SLIT2: variants seen among roughly 807,000 people sequenced by gnomAD.
The protein encoded by SLIT2 is slit homolog 2 protein.
In SLIT2, 41 loss-of-function variants were observed where a neutral mutation model predicts 185.7. That is an observed-to-expected ratio of 0.22 (90% CI 0.17 to 0.29). SLIT2 has a LOEUF of 0.29. SLIT2 is among the 10% of genes least tolerant of loss of function. SLIT2 has a pLI of 1.00. For synonymous variants in SLIT2, 693 were observed against 680.2 expected (o/e 1.02, Z -0.29); for missense variants, 1,571 against 1,909.0 (o/e 0.82, Z 3.30).
chr4:20,416,940 T>C (rs1255324569), intron 4 of SLIT2, among the ~76,000 whole-genome samples: 2 of 150,058 alleles, frequency 1.3e-5, no homozygotes, highest in East Asian at 3.9e-4. Flanking sequence ...TCCATGCCAA[T>C]TTTTTAAAAC....
Position 20,392,530 on chromosome 4 carries a change from A to T in SLIT2, c.396-75222A>T, listed in dbSNP as rs572723625. ...TTTACAGTTATTTTTCTGCAATAAT[A>T]AATTAACTCTAGCATACTGTAACTT... On this transcript the variant is annotated intron_variant, in intron 4 of 36. Transcript: ENST00000504154. 5.7e-4 allele frequency among the ~76,000 whole-genome samples: 87 copies of T among 152,244 alleles called. No homozygotes were observed. In the South Asian group the frequency reaches 0.014, roughly 25 times the overall value.
chr4:20,416,962 CTT>C (rs33980142), intron 4 of SLIT2, among the ~76,000 whole-genome samples: 1,916 of 141,280 alleles, frequency 0.014, 22 homozygotes, highest in African/African-American at 0.026. Context: ...GCTATCAAAT[CTT>C]TTTTTTTTTT....
At chr4:20,518,558 T>TGTATATATATATATATATATAA in intron 11 of SLIT2, among the ~76,000 whole-genome samples, 1 of 3,652 alleles carries the variant, frequency 2.7e-4, no homozygotes, top group Non-Finnish European at 6.2e-4. Flanking sequence ...AGCCTATATG[T>TGTATATATATATATATATATAA]ATATATATAT....
chr4:20,393,164 T>C (rs1289622053), intron 4 of SLIT2, among the ~76,000 whole-genome samples: 1 of 152,092 alleles, frequency 6.6e-6, no homozygotes, highest in African/African-American at 2.4e-5. Context: ...ACCATCATTG[T>C]ATATGCGATC....
chr4:20,567,205 T>C, intron 26 of SLIT2, 57 bp from the exon 27 acceptor site: 1 of 1,460,842 alleles, frequency 6.8e-7, no homozygotes, highest in Non-Finnish European at 9.4e-7. Context: ...GGCATACAAG[T>C]AATTAAAAGT....
rs1006761801 is a variant in SLIT2 at position 20,269,597 on chromosome 4, T to C, written c.395+716T>C. 8.5e-5 allele frequency among the ~76,000 whole-genome samples: 13 copies of C among 152,074 alleles called. No individual in the cohort carries two copies. The East Asian group carries it at 2.3e-3, about 27-fold the overall frequency. ...GATTTTCAGCCATATGAAATGACTT[T>C]GTGCAGATGGGAGATAAGCTACAAA... On this transcript the variant is annotated intron_variant, in intron 4 of 36. Coordinates refer to ENST00000504154, the MANE Select transcript of SLIT2 (RefSeq NM_004787.4).
intron 5 of SLIT2, among the ~76,000 whole-genome samples, chr4:20,469,071 G>A (rs1714674214): frequency 6.6e-6 from 1 of 151,914 alleles, no homozygotes; most frequent in Non-Finnish European, 1.5e-5. Context: ...GGTTTTTATG[G>A]GTGCTCAATT....
At chr4:20,352,410 A>C (rs1721959231) in intron 4 of SLIT2, among the ~76,000 whole-genome samples, 1 of 152,098 alleles carries the variant, frequency 6.6e-6, no homozygotes, top group East Asian at 1.9e-4. Flanking sequence ...TTTCCAACCC[A>C]GATTAATACA....
At chr4:20,452,645 G>A (rs574746321) in intron 4 of SLIT2, among the ~76,000 whole-genome samples, 1 of 152,198 alleles carries the variant, frequency 6.6e-6, no homozygotes, top group East Asian at 1.9e-4. Flanking sequence ...GATATGGCCT[G>A]GGTATGGAAA....
chr4:20,413,401 T>G (rs1479098289), intron 4 of SLIT2, among the ~76,000 whole-genome samples: 1 of 152,062 alleles, frequency 6.6e-6, no homozygotes, highest in Non-Finnish European at 1.5e-5. Flanking sequence ...GCATATGGAA[T>G]TAATGTGTAT....
At chr4:20,532,169 TATG>T in intron 17 of SLIT2, 111 bp downstream of exon 17, 1 of 627,190 alleles carries the variant, frequency 1.6e-6, no homozygotes, top group South Asian at 2.2e-5. Context: ...GAAATTTCCC[TATG>T]ATGATGACCT....
rs35201099 is a variant in SLIT2 at position 20,258,072 on chromosome 4, G to GT, written c.323+137dup. On this transcript the variant is annotated intron_variant, in intron 3 of 36. Transcript: ENST00000504154. Reference sequence around the variant, plus strand: ...GCAGAAAAAGGAGGATGAATGAGTGGTTTTCAGGTTAATTTATGACAAATA... The same window carrying GT: ...GCAGAAAAAGGAGGATGAATGAGTGGTTTTTCAGGTTAATTTATGACAAATA... 3.7e-4 allele frequency: 196 copies of GT among 529,450 alleles called. 5 individuals are homozygous for GT. In the South Asian group the frequency reaches 6.2e-3, roughly 17 times the overall value. The allele number at this position is 529,450 out of a possible 1,614,324, so 32.8% of individuals were successfully genotyped here.
At chr4:20,266,781 C>G (rs970506109) in intron 3 of SLIT2, among the ~76,000 whole-genome samples, 34 of 151,954 alleles carry the variant, frequency 2.2e-4, no homozygotes, top group African/African-American at 8.0e-4. Flanking sequence ...GGGACTCTTG[C>G]TTATCAAATG....
At chr4:20,360,846 A>G (rs1722679611) in intron 4 of SLIT2, among the ~76,000 whole-genome samples, 2 of 152,166 alleles carry the variant, frequency 1.3e-5, no homozygotes, top group South Asian at 2.1e-4. Context: ...CCAGTGCTGT[A>G]TCCACATTAC....
intron 16 of SLIT2, 73 bp downstream of exon 16, chr4:20,529,172 C>T (rs1344131393): frequency 3.4e-6 from 4 of 1,182,410 alleles, no homozygotes; most frequent in Admixed American, 4.8e-5. Context: ...GAATGTTTGT[C>T]TTGCCATTTT....
intron 5 of SLIT2, among the ~76,000 whole-genome samples, chr4:20,474,237 A>C (rs573642859): frequency 1.8e-4 from 27 of 152,138 alleles, no homozygotes; most frequent in African/African-American, 6.3e-4. Flanking sequence ...TAACTAAATA[A>C]AAAGGGGTTG....
intron 11 of SLIT2, among the ~76,000 whole-genome samples, chr4:20,513,973 G>A (rs1169159337): frequency 6.6e-6 from 1 of 152,136 alleles, no homozygotes; most frequent in Admixed American, 6.5e-5. Flanking sequence ...TGAAGAGAAT[G>A]CAATTGTAAC....
At chr4:20,333,487 T>A (rs1325809304) in intron 4 of SLIT2, among the ~76,000 whole-genome samples, 1 of 152,178 alleles carries the variant, frequency 6.6e-6, no homozygotes, top group Non-Finnish European at 1.5e-5. Context: ...GAAAACAGAT[T>A]GACTTTGTAG....
At chr4:20,265,081 T>C (rs1712888321) in intron 3 of SLIT2, among the ~76,000 whole-genome samples, 2 of 151,976 alleles carry the variant, frequency 1.3e-5, no homozygotes, top group African/African-American at 4.8e-5. Flanking sequence ...TTTCCTGTTC[T>C]GGAACCATCA....
Sources: gnomAD v4.1 joint callset for allele counts (sites outside exome capture counted in the v4.1 genomes callset) on GRCh38, gnomAD v4.1.1 for gene constraint, MANE v1.5 for transcripts, NCBI Gene and HGNC (gene_info 2026-07-23, HGNC 2026-07-21) for gene names.